Variants in ASPRV1 observed in about 807,000 individuals in gnomAD.
ASPRV1 encodes the protein aspartic peptidase retroviral like 1.
Under a neutral mutation model 11.0 loss-of-function variants are expected in ASPRV1, and 7 were observed. The ratio of observed to expected loss-of-function variants is 0.64; its 90% CI spans 0.36 to 1.20. The LOEUF is 1.20. Among genes scored for constraint, ASPRV1 ranks in the 50% most tolerant of loss-of-function variants. ASPRV1 has a pLI of 0.02. For missense variants in ASPRV1, 299 were observed against 320.0 expected (o/e 0.93, Z 0.50); for synonymous variants, 136 against 138.4 (o/e 0.98, Z 0.12).
At chr2:70,062,410 C>G in the ASPRV1 span, among the ~76,000 whole-genome samples, 208 of 152,346 alleles carry the variant, frequency 1.4e-3, no homozygotes, top group Non-Finnish European at 1.9e-3. Context: ...CAAACCTACT[C>G]AATTAGAGTA....
the ASPRV1 span, chr2:70,046,638 C>A: frequency 2.6e-5 from 4 of 152,106 alleles, no homozygotes; most frequent in Admixed American, 2.6e-4. Flanking sequence ...CTAGCTCAGG[C>A]TGGGGTCTGA....
upstream of ASPRV1, chr2:69,961,924 C>T (rs1678133928): frequency 1.1e-5 from 5 of 442,714 alleles, no homozygotes; most frequent in Non-Finnish European, 2.1e-5. Context: ...AGGTATTTGT[C>T]ATCAGCCAGT....
the ASPRV1 span, among the ~76,000 whole-genome samples, chr2:69,994,807 C>T: frequency 0.017 from 2,514 of 151,324 alleles, 74 homozygotes; most frequent in African/African-American, 0.057. Flanking sequence ...ACCATCCTGG[C>T]TAACACGGTG....
Position 69,960,531 on chromosome 2 carries a change from G to T in ASPRV1, c.*126C>A. 1 of 1,032,054 alleles carries T rather than the reference G, an allele frequency of 9.7e-7. No individual in the cohort carries two copies. The highest frequency in any genetic ancestry group is 1.6e-5 in the South Asian group (1 of 62,940). 63.9% of individuals were successfully genotyped at this position (1,032,054 alleles called of 1,614,324 possible). ...AGGCCCCTGCAGAGGGAGGCAAAGG[G>T]GAGAGAAGAGCAAGAGTTGATAAGC... is the stretch of plus-strand genomic sequence containing the variant. On this transcript the variant is annotated 3_prime_UTR_variant, in exon 1 of 1. Transcript: ENST00000320256.
the ASPRV1 span, among the ~76,000 whole-genome samples, chr2:69,969,140 G>A: frequency 8.4e-3 from 1,274 of 152,254 alleles, 10 homozygotes; most frequent in Middle Eastern, 0.037. Context: ...GCCCCACTGT[G>A]GGGCAGGTGG....
chr2:70,080,312 C>T, the ASPRV1 span, among the ~76,000 whole-genome samples: 4 of 151,942 alleles, frequency 2.6e-5, no homozygotes, highest in Non-Finnish European at 4.4e-5. Flanking sequence ...CTGCAACCTC[C>T]GCCTCCCAGG....
the ASPRV1 span, among the ~76,000 whole-genome samples, chr2:70,073,504 A>G: frequency 6.6e-6 from 1 of 152,190 alleles, no homozygotes; most frequent in Admixed American, 6.6e-5. Context: ...TGAAGATTAA[A>G]TGATACTTCA....
the ASPRV1 span, among the ~76,000 whole-genome samples, chr2:69,951,401 G>T: frequency 2.1e-5 from 3 of 142,824 alleles, no homozygotes; most frequent in Non-Finnish European, 3.0e-5. Context: ...TCCAGCCTGG[G>T]CAACAGAGCA....
the ASPRV1 span, chr2:70,053,674 G>C: frequency 6.6e-6 from 1 of 152,180 alleles, no homozygotes; most frequent in Non-Finnish European, 1.5e-5. Flanking sequence ...TATCACAGAA[G>C]TCTACAAACT....
At chr2:69,997,047 T>G in the ASPRV1 span, among the ~76,000 whole-genome samples, 3 of 152,148 alleles carry the variant, frequency 2.0e-5, no homozygotes, top group Non-Finnish European at 4.4e-5. Flanking sequence ...GGAGGCTGGG[T>G]GTGGGGCTCA....
chr2:69,944,110 A>G, the ASPRV1 span, among the ~76,000 whole-genome samples: 3 of 152,192 alleles, frequency 2.0e-5, no homozygotes, highest in Non-Finnish European at 4.4e-5. Context: ...ACAAGCCCCA[A>G]ATGGAACCCA....
the ASPRV1 span, among the ~76,000 whole-genome samples, chr2:70,072,886 T>C: frequency 1.6e-5 from 2 of 126,772 alleles, no homozygotes; most frequent in African/African-American, 6.4e-5. Flanking sequence ...ACCTTGTCTC[T>C]ATAAAAAACT....
chr2:69,993,808 C>G, the ASPRV1 span: 2 of 152,206 alleles, frequency 1.3e-5, no homozygotes, highest in Non-Finnish European at 2.9e-5. Flanking sequence ...TTACAACCTT[C>G]CTTACAGCCT....
upstream of ASPRV1, chr2:69,964,802 C>T (rs1211025805): frequency 6.6e-6 from 1 of 152,540 alleles, no homozygotes; most frequent in African/African-American, 2.4e-5. Context: ...GCTGTGAGCT[C>T]AACCAGCCCA....
chr2:70,067,977 TC>T, the ASPRV1 span, among the ~76,000 whole-genome samples: 1 of 152,228 alleles, frequency 6.6e-6, no homozygotes, highest in African/African-American at 2.4e-5. Context: ...CTTCCCATCC[TC>T]CACTGGCCTT....
chr2:70,003,012 A>AT, the ASPRV1 span: 1 of 152,260 alleles, frequency 6.6e-6, no homozygotes, highest in South Asian at 2.1e-4. Context: ...GTAAATGTTT[A>AT]TAGTTGTCGA....
At chr2:70,029,368 C>T in the ASPRV1 span, among the ~76,000 whole-genome samples, 33 of 152,210 alleles carry the variant, frequency 2.2e-4, no homozygotes, top group South Asian at 5.2e-3. Flanking sequence ...CGGCCAGGCA[C>T]GGTAGCTCAC....
chr2:70,073,144 A>T, the ASPRV1 span: 2 of 152,192 alleles, frequency 1.3e-5, no homozygotes, highest in African/African-American at 4.8e-5. Flanking sequence ...GAGCTCCCCT[A>T]TTAATGGAGG....
chr2:70,029,316 GC>G, the ASPRV1 span, among the ~76,000 whole-genome samples: 1 of 152,070 alleles, frequency 6.6e-6, no homozygotes, highest in Non-Finnish European at 1.5e-5. Flanking sequence ...CAAGCTGAGT[GC>G]AAAGACATTG....
Sources: gnomAD v4.1 joint callset for allele counts (sites outside exome capture counted in the v4.1 genomes callset) on GRCh38, gnomAD v4.1.1 for gene constraint, MANE v1.5 for transcripts, NCBI Gene and HGNC (gene_info 2026-07-23, HGNC 2026-07-21) for gene names.